The following WDR49 variants were observed in gnomAD, a reference collection of about 807,000 sequenced individuals.
WDR49 encodes the protein WD repeat domain 49.
WDR49 carries 107 observed loss-of-function variants against 119.5 expected under a neutral mutation model. The observed-to-expected ratio is 0.90, with a 90% confidence interval of 0.77 to 1.05. The LOEUF (loss-of-function observed/expected upper bound fraction) is 1.05. Ranked by LOEUF, WDR49 falls within the 50% of genes least tolerant of loss-of-function variation. The pLI is 0.00. For missense variants in WDR49, 1,240 were observed against 1,220.5 expected, an observed-to-expected ratio of 1.02 and a Z score of -0.24; for synonymous variants, 425 against 418.8, an observed-to-expected ratio of 1.01 and a Z score of -0.18.
At chr3:167,525,391 C>A (rs1023757009) in intron 15 of WDR49, among the ~76,000 whole-genome samples, 3 of 151,872 alleles carry the variant, frequency 2.0e-5, no homozygotes, top group South Asian at 2.1e-4. Flanking sequence ...ATTTGAATAC[C>A]CTTTATTTCT....
In WDR49 at chr3:167,648,438, A is replaced by C. The variant is rs553907508; in HGVS notation, c.165+4823T>G. ...TTATTGTCCCAGAAAACCTAAGTTA[A>C]GCATAGTTGTAAGAGTTGAACACTA... On this transcript the variant is annotated intron_variant, in intron 2 of 18. Coordinates refer to ENST00000682715, the MANE Select transcript of WDR49 (RefSeq NM_001366157.1). 2.7e-4 allele frequency among the ~76,000 whole-genome samples: 41 copies of C among 152,364 alleles called. 1 individual carries two copies. Among genetic ancestry groups the C allele is most frequent in the African/African-American group, 9.4e-4 (39 of 41,592 alleles).
At chr3:167,652,738 A>T (rs1718445604) in intron 2 of WDR49, among the ~76,000 whole-genome samples, 2 of 152,124 alleles carry the variant, frequency 1.3e-5, no homozygotes, top group South Asian at 4.1e-4. Context: ...TGAGTGGGAG[A>T]CTCGTCCCTC....
At chr3:167,542,499 C>T (rs1350338463) in intron 10 of WDR49, among the ~76,000 whole-genome samples, 1 of 151,970 alleles carries the variant, frequency 6.6e-6, no homozygotes, top group African/African-American at 2.4e-5. Context: ...CAAAACTATA[C>T]AAATACATGA....
At chr3:167,645,257 C>G (rs1718064632) in intron 2 of WDR49, among the ~76,000 whole-genome samples, 1 of 152,010 alleles carries the variant, frequency 6.6e-6, no homozygotes, top group Admixed American at 6.6e-5. Flanking sequence ...GTCACCCAGG[C>G]TGAAGTGCAG....
At chr3:167,564,680 A>G (rs1713482676) in intron 8 of WDR49, among the ~76,000 whole-genome samples, 1 of 152,214 alleles carries the variant, frequency 6.6e-6, no homozygotes, top group South Asian at 2.1e-4. Flanking sequence ...CCTCCTCAGT[A>G]GATCGTTGTT....
At chr3:167,560,774 G>A (rs1217521075) in intron 8 of WDR49, among the ~76,000 whole-genome samples, 9 of 135,522 alleles carry the variant, frequency 6.6e-5, no homozygotes, top group African/African-American at 2.0e-4. Flanking sequence ...CACAATTATT[G>A]ATAGATTACT....
intron 11 of WDR49, among the ~76,000 whole-genome samples, chr3:167,534,198 CA>C (rs560996929): frequency 6.7e-5 from 10 of 149,404 alleles, no homozygotes; most frequent in African/African-American, 9.9e-5. Flanking sequence ...CCACTCCATC[CA>C]AAAAAAAAGA....
chr3:167,497,683 A>G (rs1218080264), intron 18 of WDR49, among the ~76,000 whole-genome samples: 1 of 151,980 alleles, frequency 6.6e-6, no homozygotes, highest in Admixed American at 6.6e-5. Flanking sequence ...GCTTTTGCAT[A>G]TTCTCTGTCT....
At chr3:167,650,198 C>T (rs922321952) in intron 2 of WDR49, among the ~76,000 whole-genome samples, 10 of 152,182 alleles carry the variant, frequency 6.6e-5, no homozygotes, top group African/African-American at 2.4e-4. Context: ...TCTCACCACT[C>T]CTATAAAATC....
intron 5 of WDR49, 50 bp downstream of exon 5, chr3:167,620,379 G>A (rs763805700): frequency 2.5e-5 from 37 of 1,459,918 alleles, no homozygotes; most frequent in East Asian, 2.6e-5. Context: ...GAATATAAAT[G>A]TACAAGTCAG....
chr3:167,638,052 T>C (rs984428885), intron 2 of WDR49, among the ~76,000 whole-genome samples: 1 of 151,554 alleles, frequency 6.6e-6, no homozygotes, highest in Non-Finnish European at 1.5e-5. Context: ...TAATAACACA[T>C]GTTTTTAGGT....
Position 167,620,619 on chromosome 3 carries a change from G to A in WDR49, c.784-16C>T. ...TTGCTTGAACCTTGACAGAGACATT[G>A]AAAGAACAACAATCGTGGACGGGAT... On this transcript the variant is annotated splice_polypyrimidine_tract_variant and intron_variant, in intron 4 of 18. Transcript: ENST00000682715. 2 of 1,521,340 alleles carry A rather than the reference G, an allele frequency of 1.3e-6. No individual in the cohort carries two copies. Among genetic ancestry groups the A allele is most frequent in the South Asian group, 1.2e-5 (1 of 82,258 alleles). 94.2% of individuals were successfully genotyped at this position (1,521,340 alleles called of 1,614,324 possible).
At chr3:167,481,227 T>C (rs73878721) in intron 18 of WDR49, among the ~76,000 whole-genome samples, 2,171 of 152,172 alleles carry the variant, frequency 0.014, 43 homozygotes, top group African/African-American at 0.049. Flanking sequence ...CACCAAAAAA[T>C]ATTGCCATTG....
intron 6 of WDR49, among the ~76,000 whole-genome samples, chr3:167,602,591 C>T (rs746007257): frequency 6.6e-6 from 1 of 152,080 alleles, no homozygotes; most frequent in Non-Finnish European, 1.5e-5. Context: ...CAGAATCCTT[C>T]TTCCTAACCC....
At chr3:167,604,234 T>G (rs978224693) in intron 6 of WDR49, 67 bp downstream of exon 6, 27 of 1,559,818 alleles carry the variant, frequency 1.7e-5, no homozygotes, top group Non-Finnish European at 2.3e-5. Flanking sequence ...AAAGGCTCCA[T>G]GCATACAAAT....
chr3:167,603,799 C>T (rs1715895825), intron 6 of WDR49, among the ~76,000 whole-genome samples: 2 of 152,082 alleles, frequency 1.3e-5, no homozygotes, highest in East Asian at 1.9e-4. Flanking sequence ...AAACAAACCT[C>T]GCATAATCTG....
intron 3 of WDR49, 104 bp downstream of exon 3, chr3:167,626,748 G>C (rs1450463514): frequency 1.0e-6 from 1 of 952,868 alleles, no homozygotes; most frequent in Non-Finnish European, 1.4e-6. Context: ...TCAGGAGAAA[G>C]CCACCAAGAG....
chr3:167,573,391 T>TACACACACACACAC (rs57955643), intron 8 of WDR49, among the ~76,000 whole-genome samples: 220 of 142,354 alleles, frequency 1.5e-3, no homozygotes, highest in African/African-American at 5.1e-3. Flanking sequence ...TTATGTGGAA[T>TACACACACACACAC]ACACACACAC....
intron 15 of WDR49, among the ~76,000 whole-genome samples, chr3:167,526,306 G>A (rs952555616): frequency 1.3e-5 from 2 of 152,134 alleles, no homozygotes; most frequent in Non-Finnish European, 2.9e-5. Context: ...TGTTTGGTGG[G>A]TGAACTTTAT....
Sources: allele counts gnomAD v4.1 joint callset (sites outside exome capture counted in the v4.1 genomes callset), GRCh38; gene constraint gnomAD v4.1.1; transcripts MANE v1.5; gene names NCBI Gene and HGNC (gene_info 2026-07-23, HGNC 2026-07-21).